OCIAD1: variants seen among roughly 807,000 people sequenced by gnomAD.
The protein encoded by OCIAD1 is OCIA domain containing 1.
OCIAD1 carries 29 observed loss-of-function variants against 38.9 expected under a neutral mutation model. The observed-to-expected ratio is 0.74, with a 90% CI of 0.55 to 1.02. The LOEUF (loss-of-function observed/expected upper bound fraction) is 1.02. OCIAD1 is among the 50% of genes least tolerant of loss of function. OCIAD1 has a pLI of 0.00. For missense variants in OCIAD1, 288 were observed against 289.6 expected (o/e 0.99, Z 0.04); for synonymous variants, 110 against 92.0 (o/e 1.20, Z -1.12).
intron 8 of OCIAD1, 25 bp downstream of exon 8, chr4:48,857,390 T>C (rs764743647): frequency 2.7e-6 from 4 of 1,465,192 alleles, no homozygotes; most frequent in Non-Finnish European, 3.6e-6. Context: ...TCTGAATCAC[T>C]TTACTGTTGA....
Position 48,844,530 on chromosome 4 carries a change from C to T in OCIAD1, c.193+1841C>T, listed in dbSNP as rs1349450524. Among the ~76,000 whole-genome samples the T allele has an allele frequency of 5.9e-5, 9 of 152,032 alleles. No homozygotes were observed. The East Asian group carries it at 1.2e-3, about 20-fold the overall frequency. On this transcript the variant is annotated intron_variant, in intron 4 of 8. Transcript: ENST00000264312. ...ACTCAGGAGACTGAGGCAGGAGAAT[C>T]GCTTGAACCCAGGTGGCGGAGGCTG...
At chr4:48,853,163 G>A (rs974032393) in intron 7 of OCIAD1, among the ~76,000 whole-genome samples, 4 of 152,062 alleles carry the variant, frequency 2.6e-5, no homozygotes, top group African/African-American at 9.7e-5. Context: ...ACAGGTGTGA[G>A]CCACTGCCCC....
chr4:48,813,314 A>G (rs1476121312), intron 1 of OCIAD1, among the ~76,000 whole-genome samples: 1 of 152,230 alleles, frequency 6.6e-6, no homozygotes, highest in Non-Finnish European at 1.5e-5. Flanking sequence ...ACAGGTAAAC[A>G]AACAATTGTG....
intron 1 of OCIAD1, among the ~76,000 whole-genome samples, chr4:48,825,960 G>C (rs1473167595): frequency 6.6e-6 from 1 of 151,808 alleles, no homozygotes; most frequent in East Asian, 1.9e-4. Flanking sequence ...GCCTCAGCCT[G>C]TCAGTAGCTG....
At chr4:48,854,403 A>G (rs1451007692) in intron 7 of OCIAD1, among the ~76,000 whole-genome samples, 5 of 152,208 alleles carry the variant, frequency 3.3e-5, no homozygotes, top group Non-Finnish European at 7.3e-5. Context: ...GGAATGTTCC[A>G]TGTAATATTT....
intron 3 of OCIAD1, among the ~76,000 whole-genome samples, chr4:48,840,497 C>T (rs1165176868): frequency 2.0e-5 from 3 of 152,124 alleles, no homozygotes; most frequent in African/African-American, 4.8e-5. Flanking sequence ...CAGACCTTAG[C>T]GTTTGTGCAA....
intron 4 of OCIAD1, among the ~76,000 whole-genome samples, chr4:48,846,656 G>C (rs1464834070): frequency 6.6e-6 from 1 of 151,820 alleles, no homozygotes; most frequent in African/African-American, 2.4e-5. Flanking sequence ...GCTGAGGCAG[G>C]AGAATTGCTT....
upstream of OCIAD1, among the ~76,000 whole-genome samples, chr4:48,826,944 A>C (rs1777258033): frequency 6.6e-6 from 1 of 152,210 alleles, no homozygotes; most frequent in Non-Finnish European, 1.5e-5. Context: ...CATGTAATGG[A>C]TAGTTCTCCA....
chr4:48,844,386 C>T (rs779693947), intron 4 of OCIAD1, among the ~76,000 whole-genome samples: 35 of 151,930 alleles, frequency 2.3e-4, no homozygotes, highest in African/African-American at 7.7e-4. Flanking sequence ...GAGGCCGAGT[C>T]GGGTGCATCA....
At chr4:48,841,348 A>C (rs374289519) in intron 3 of OCIAD1, among the ~76,000 whole-genome samples, 2 of 152,226 alleles carry the variant, frequency 1.3e-5, no homozygotes, top group African/African-American at 2.4e-5. Context: ...TTGCAGTGAA[A>C]GGATATAAAG....
At chr4:48,811,901 G>T (rs1277390709) in intron 1 of OCIAD1, among the ~76,000 whole-genome samples, 1 of 152,088 alleles carries the variant, frequency 6.6e-6, no homozygotes, top group African/African-American at 2.4e-5. Context: ...CAGGAATTTG[G>T]TTTGAGGTAT....
intron 4 of OCIAD1, 63 bp downstream of exon 4, chr4:48,842,752 TC>T: frequency 3.4e-6 from 3 of 878,634 alleles, no homozygotes; most frequent in Non-Finnish European, 5.3e-6. Flanking sequence ...TGTGGTATTT[TC>T]CAGGTCTTTA....
intron 1 of OCIAD1, among the ~76,000 whole-genome samples, chr4:48,819,740 AAAAAG>A (rs1198509160): frequency 1.4e-5 from 2 of 145,454 alleles, no homozygotes; most frequent in East Asian, 2.0e-4. Context: ...AAAAAAAAAA[AAAAAG>A]GAGGGGTTGC....
At chr4:48,814,793 G>A (rs1777128866) in intron 1 of OCIAD1, among the ~76,000 whole-genome samples, 1 of 152,120 alleles carries the variant, frequency 6.6e-6, no homozygotes, top group South Asian at 2.1e-4. Context: ...AGTCCTGGAT[G>A]CTGTGTTAGG....
intron 3 of OCIAD1, among the ~76,000 whole-genome samples, chr4:48,840,143 A>G (rs181479499): frequency 3.3e-5 from 5 of 152,234 alleles, no homozygotes; most frequent in African/African-American, 1.2e-4. Context: ...AGAAGAAGCT[A>G]TGCAAAGACA....
chr4:48,831,295 C>G (rs1270804649), intron 1 of OCIAD1, 46 bp downstream of exon 1: 3 of 359,016 alleles, frequency 8.4e-6, no homozygotes, highest in Admixed American at 3.6e-5. Context: ...CTCCGCGTAT[C>G]CCCTCACCAC....
In OCIAD1 at chr4:48,851,963, C is replaced by A. The variant is rs767850383; in HGVS notation, c.535C>A (p.His179Asn). Residue 179 changes from histidine to asparagine, a missense_variant, in exon 7 of 9, where the codon CAT (histidine) becomes AAT (asparagine). Coordinates refer to ENST00000264312, the MANE Select transcript of OCIAD1 (RefSeq NM_017830.4). The stretch of plus-strand genomic sequence containing the variant: ...ATCTGCTCCCACTGGTATTACTGAT[C>A]ATATTGTCCAAGGTAGAAACTTCTC... Reference protein sequence around the residue: ...NESAPTGITDHIVQGPDPNLE... With the variant: ...NESAPTGITDNIVQGPDPNLE... 1.2e-6 allele frequency: 2 copies of A among 1,605,564 alleles called. No homozygotes were observed. The highest frequency in any genetic ancestry group is 1.7e-6 in the Non-Finnish European group (2 of 1,174,870).
upstream of OCIAD1, among the ~76,000 whole-genome samples, chr4:48,828,690 CTGCAGCT>C (rs1777277136): frequency 6.6e-6 from 1 of 152,164 alleles, no homozygotes; most frequent in South Asian, 2.1e-4. Context: ...CTGCGAAGGT[CTGCAGCT>C]TCACTCCTGA....
At chr4:48,860,082 T>A (rs7666034) in intron 8 of OCIAD1, 3 of 152,350 alleles carry the variant, frequency 2.0e-5, no homozygotes, top group African/African-American at 7.2e-5. Context: ...ACAGAAGCTA[T>A]GTGGAAGAGA....
Sources: gnomAD v4.1 joint callset for allele counts (sites outside exome capture counted in the v4.1 genomes callset) on GRCh38, gnomAD v4.1.1 for gene constraint, MANE v1.5 for transcripts, NCBI Gene and HGNC (gene_info 2026-07-23, HGNC 2026-07-21) for gene names.